The following PDE11A variants were observed in gnomAD, a reference collection of about 807,000 sequenced individuals.
PDE11A encodes phosphodiesterase 11A, also known as dual 3',5'-cyclic-AMP and -GMP phosphodiesterase 11A.
A neutral mutation model predicts 100.5 loss-of-function variants in PDE11A; 100 were observed. The ratio of observed to expected loss-of-function variants is 1.00; its 90% CI spans 0.85 to 1.18. The LOEUF is 1.18. PDE11A is among the 50% of genes most tolerant of loss of function. PDE11A has a pLI of 0.00. For synonymous variants in PDE11A, 381 were observed against 420.8 expected (o/e 0.91, Z 1.16); for missense variants, 1,141 against 1,152.6 (o/e 0.99, Z 0.15).
chr2:177,671,685 T>C (rs2080684722), intron 17 of PDE11A, among the ~76,000 whole-genome samples: 1 of 151,990 alleles, frequency 6.6e-6, no homozygotes, highest in African/African-American at 2.4e-5. Context: ...AAAAACACGG[T>C]TTTGTGTTTT....
intron 15 of PDE11A, among the ~76,000 whole-genome samples, chr2:177,684,195 A>G (rs1173199100): frequency 1.3e-5 from 2 of 152,156 alleles, no homozygotes; most frequent in Admixed American, 6.5e-5. Context: ...TTACGGTCAC[A>G]TGATAATTGG....
chr2:177,692,199 T>C (rs1244604436), intron 15 of PDE11A, among the ~76,000 whole-genome samples: 1 of 152,168 alleles, frequency 6.6e-6, no homozygotes, highest in African/African-American at 2.4e-5. Context: ...AAGTATTAGT[T>C]GTTGTTTTTA....
At chr2:177,829,691 A>G (rs1407830057) in intron 6 of PDE11A, among the ~76,000 whole-genome samples, 1 of 150,504 alleles carries the variant, frequency 6.6e-6, no homozygotes, top group African/African-American at 2.5e-5. Flanking sequence ...TGACCTTGTG[A>G]TCCGCCTGCC....
At chr2:177,954,630 G>A (rs927006785) in intron 2 of PDE11A, among the ~76,000 whole-genome samples, 2 of 152,180 alleles carry the variant, frequency 1.3e-5, no homozygotes, top group Non-Finnish European at 2.9e-5. Context: ...AGAGAATCAA[G>A]TGCCCCTTAG....
intron 13 of PDE11A, among the ~76,000 whole-genome samples, chr2:177,711,144 G>T (rs2081354780): frequency 6.6e-6 from 1 of 152,218 alleles, no homozygotes; most frequent in Non-Finnish European, 1.5e-5. Context: ...TCTTGACCAG[G>T]AAAACCTGCT....
rs563799293 is a variant in PDE11A, at chr2:177,629,701, C to T, written c.2647-139G>A. On this transcript the variant is annotated intron_variant, in intron 19 of 19. Coordinates refer to ENST00000286063, the MANE Select transcript of PDE11A (RefSeq NM_016953.4). The stretch of plus-strand genomic sequence containing the variant: ...TGATGATTATTTTGGTAAACAAGAG[C>T]TATTTACAAGAAGTAAATATGCATT... 1.7e-4 allele frequency: 144 copies of T among 854,184 alleles called. 1 individual carries two copies. The highest frequency in any genetic ancestry group is 2.6e-4 in the Non-Finnish European group (134 of 513,050). 52.9% of individuals were successfully genotyped at this position (854,184 alleles called of 1,614,324 possible).
intron 10 of PDE11A, among the ~76,000 whole-genome samples, chr2:177,757,185 G>A (rs1199690421): frequency 6.6e-6 from 1 of 152,148 alleles, no homozygotes; most frequent in East Asian, 1.9e-4. Flanking sequence ...ATACAGGTAA[G>A]GCACCAAAAA....
chr2:177,666,836 A>G (rs2080594790), intron 18 of PDE11A, among the ~76,000 whole-genome samples: 1 of 152,016 alleles, frequency 6.6e-6, no homozygotes, highest in South Asian at 2.1e-4. Context: ...TTTTCCCATA[A>G]TATGGGAAAA....
intron 13 of PDE11A, among the ~76,000 whole-genome samples, chr2:177,703,783 G>T (rs770354998): frequency 6.6e-6 from 1 of 151,420 alleles, no homozygotes; most frequent in Non-Finnish European, 1.5e-5. Flanking sequence ...AGGGAGTGGG[G>T]ATGGGGACGA....
At chr2:178,027,377 T>G (rs931093341) in intron 1 of PDE11A, among the ~76,000 whole-genome samples, 1 of 152,138 alleles carries the variant, frequency 6.6e-6, no homozygotes, top group African/African-American at 2.4e-5. Flanking sequence ...ATTAGCATAA[T>G]TTCCTAAGGG....
chr2:177,782,662 C>T (rs938165682), intron 9 of PDE11A, among the ~76,000 whole-genome samples: 15 of 152,208 alleles, frequency 9.9e-5, no homozygotes, highest in African/African-American at 2.9e-4. Context: ...CAGCTCCCTC[C>T]TCAATTTCCA....
intron 9 of PDE11A, among the ~76,000 whole-genome samples, chr2:177,778,368 T>C (rs114007870): frequency 1.6e-3 from 242 of 152,296 alleles, no homozygotes; most frequent in African/African-American, 5.2e-3. Context: ...AAATGAGATA[T>C]GGACCATTAT....
At chr2:177,823,221 G>A (rs2083169690) in intron 6 of PDE11A, among the ~76,000 whole-genome samples, 2 of 152,112 alleles carry the variant, frequency 1.3e-5, no homozygotes, top group South Asian at 4.1e-4. Flanking sequence ...ACATTGCTTA[G>A]TATTGAGGAT....
chr2:177,695,380 G>A (rs1337940344), intron 15 of PDE11A, among the ~76,000 whole-genome samples: 1 of 152,076 alleles, frequency 6.6e-6, no homozygotes. Flanking sequence ...ATAATTTTTA[G>A]TATAAATATG....
At chr2:177,804,995 G>A (rs2082848402) in intron 9 of PDE11A, among the ~76,000 whole-genome samples, 1 of 151,530 alleles carries the variant, frequency 6.6e-6, no homozygotes, top group South Asian at 2.1e-4. Flanking sequence ...TCACTATTAG[G>A]GTGATGGATA....
In PDE11A at chr2:177,816,189, C is replaced by CA. The variant is rs201167224; in HGVS notation, c.1737+639dup. 1.6e-3 allele frequency among the ~76,000 whole-genome samples: 238 copies of CA among 148,250 alleles called. 1 individual carries two copies. The highest frequency in any genetic ancestry group is 5.1e-3 in the African/African-American group (208 of 40,390). On this transcript the variant is annotated intron_variant, in intron 9 of 19. Coordinates refer to ENST00000286063, the MANE Select transcript of PDE11A (RefSeq NM_016953.4). Reference sequence around the variant, plus strand: ...TGGCACCACTGTACTCCAGCCTGGGCAAAAAAAACAAAAACAAAAACAAAA... The same window carrying CA: ...TGGCACCACTGTACTCCAGCCTGGGCAAAAAAAAACAAAAACAAAAACAAAA...
chr2:178,024,310 G>T (rs2086451376), intron 1 of PDE11A, among the ~76,000 whole-genome samples: 2 of 152,124 alleles, frequency 1.3e-5, no homozygotes, highest in Admixed American at 1.3e-4. Context: ...TACTCGGGAG[G>T]CCGAGGCAGG....
chr2:177,700,414 A>G (rs973543531), intron 14 of PDE11A, among the ~76,000 whole-genome samples: 6 of 152,034 alleles, frequency 3.9e-5, no homozygotes, highest in Non-Finnish European at 8.8e-5. Context: ...AAAAAAAAAA[A>G]AAAAGTCTGT....
intron 5 of PDE11A, among the ~76,000 whole-genome samples, chr2:177,866,158 T>C (rs1044089245): frequency 1.3e-5 from 2 of 152,196 alleles, no homozygotes; most frequent in African/African-American, 4.8e-5. Context: ...GCTGTGGCCA[T>C]GGAGATGCCC....
Sources: allele counts gnomAD v4.1 joint callset (sites outside exome capture counted in the v4.1 genomes callset), GRCh38; gene constraint gnomAD v4.1.1; transcripts MANE v1.5; gene names NCBI Gene and HGNC (gene_info 2026-07-23, HGNC 2026-07-21).